The following GALNT13 variants were observed in gnomAD, a reference collection of about 807,000 sequenced individuals.
GALNT13 encodes UDP-GalNAc:polypeptide N-acetylgalactosaminyltransferase 13.
Under a neutral mutation model 64.2 loss-of-function variants are expected in GALNT13, and 28 were observed. That is an observed-to-expected ratio of 0.44 (90% CI 0.32 to 0.60). The LOEUF is 0.60. GALNT13 is among the 20% of genes least tolerant of loss of function. GALNT13 has a pLI of 0.05. For missense variants in GALNT13, 577 were observed against 669.8 expected, an observed-to-expected ratio of 0.86 and a Z score of 1.53; for synonymous variants, 214 against 224.6, an observed-to-expected ratio of 0.95 and a Z score of 0.42.
the GALNT13 span, among the ~76,000 whole-genome samples, chr2:153,754,001 A>G: frequency 1.3e-5 from 2 of 152,196 alleles, no homozygotes. Context: ...TGCCACCACA[A>G]TTCCACTGTA....
At chr2:154,410,395 C>G (rs375163029) in intron 11 of GALNT13, among the ~76,000 whole-genome samples, 4 of 152,020 alleles carry the variant, frequency 2.6e-5, no homozygotes, top group African/African-American at 9.6e-5. Flanking sequence ...TTATGTCTTT[C>G]CATTCTTTAG....
At chr2:153,528,033 A>G in the GALNT13 span, among the ~76,000 whole-genome samples, 1 of 152,102 alleles carries the variant, frequency 6.6e-6, no homozygotes, top group East Asian at 1.9e-4. Flanking sequence ...GGGACCACAA[A>G]ACAATCAGAA....
At chr2:153,755,750 A>G in the GALNT13 span, among the ~76,000 whole-genome samples, 1 of 151,876 alleles carries the variant, frequency 6.6e-6, no homozygotes, top group African/African-American at 2.4e-5. Flanking sequence ...TTTTTTCTTT[A>G]ACTAGACTAC....
chr2:153,640,032 G>A, the GALNT13 span, among the ~76,000 whole-genome samples: 4 of 152,262 alleles, frequency 2.6e-5, no homozygotes, highest in East Asian at 1.9e-4. Context: ...TAGTAGGAAC[G>A]TAGGGTGAAG....
At chr2:153,176,970 A>G in the GALNT13 span, among the ~76,000 whole-genome samples, 1 of 152,114 alleles carries the variant, frequency 6.6e-6, no homozygotes, top group African/African-American at 2.4e-5. Flanking sequence ...TTAGACAACA[A>G]AAGTTGAAAG....
intron 4 of GALNT13, among the ~76,000 whole-genome samples, chr2:154,237,776 C>G (rs1443821964): frequency 6.6e-6 from 1 of 151,544 alleles, no homozygotes; most frequent in African/African-American, 2.4e-5. Flanking sequence ...TATGTGTACT[C>G]TTTGTACTGC....
At chr2:153,247,381 T>G in the GALNT13 span, among the ~76,000 whole-genome samples, 11 of 152,176 alleles carry the variant, frequency 7.2e-5, no homozygotes, top group Admixed American at 3.9e-4. Flanking sequence ...TACTACATAA[T>G]TGGAAATAAA....
chr2:154,108,419 C>G (rs140549655), intron 3 of GALNT13, among the ~76,000 whole-genome samples: 32 of 151,878 alleles, frequency 2.1e-4, no homozygotes, highest in Non-Finnish European at 4.1e-4. Flanking sequence ...TGTGAGATGT[C>G]AATTCAACTT....
chr2:154,423,551 C>T (rs889179971), intron 11 of GALNT13, among the ~76,000 whole-genome samples: 1 of 152,162 alleles, frequency 6.6e-6, no homozygotes, highest in African/African-American at 2.4e-5. Flanking sequence ...ATTCCTATTT[C>T]TCCACATCCT....
the GALNT13 span, among the ~76,000 whole-genome samples, chr2:153,328,135 G>A: frequency 6.6e-6 from 1 of 152,178 alleles, no homozygotes; most frequent in Admixed American, 6.5e-5. Context: ...AGCAGAGGCT[G>A]CAGAACAGCA....
Position 153,939,161 on chromosome 2 carries a change from A to G in GALNT13, c.-104-5233A>G, listed in dbSNP as rs542352690. 4.5e-4 allele frequency among the ~76,000 whole-genome samples: 68 copies of G among 152,308 alleles called. 1 individual carries two copies. The highest frequency in any genetic ancestry group is 3.4e-3 in the Middle Eastern group (1 of 294). ...GAGTAAGGTGTGTGTGCTGTTTTAT[A>G]TAGGCTGATAGGAAAGCTCGTGGTG... is the stretch of plus-strand genomic sequence containing the variant. On this transcript the variant is annotated intron_variant, in intron 2 of 12. Transcript: ENST00000392825.
the GALNT13 span, among the ~76,000 whole-genome samples, chr2:153,257,327 C>T: frequency 2.0e-5 from 3 of 152,060 alleles, no homozygotes; most frequent in Admixed American, 6.5e-5. Flanking sequence ...ACGGTGCGCG[C>T]ACCCACTGAC....
the GALNT13 span, among the ~76,000 whole-genome samples, chr2:153,255,870 C>G: frequency 6.6e-6 from 1 of 152,182 alleles, no homozygotes; most frequent in Admixed American, 6.5e-5. Flanking sequence ...TTGTGGGTAA[C>G]TTCACCTTTC....
At chr2:154,366,323 C>G (rs927759011) in intron 9 of GALNT13, among the ~76,000 whole-genome samples, 1 of 152,058 alleles carries the variant, frequency 6.6e-6, no homozygotes, top group East Asian at 1.9e-4. Flanking sequence ...ATATAATGTA[C>G]ATGTGTATTG....
the GALNT13 span, among the ~76,000 whole-genome samples, chr2:153,308,626 C>T: frequency 1.3e-5 from 2 of 152,144 alleles, no homozygotes; most frequent in Non-Finnish European, 2.9e-5. Context: ...AGTTCTTGTT[C>T]TAAATTCTGA....
the GALNT13 span, among the ~76,000 whole-genome samples, chr2:153,671,409 A>G: frequency 6.6e-6 from 1 of 152,136 alleles, no homozygotes; most frequent in Non-Finnish European, 1.5e-5. Flanking sequence ...ACATTCTTAA[A>G]GAAAGGAATT....
At chr2:153,226,162 G>C in the GALNT13 span, among the ~76,000 whole-genome samples, 1 of 151,900 alleles carries the variant, frequency 6.6e-6, no homozygotes, top group African/African-American at 2.4e-5. Context: ...TCGAACTCCT[G>C]ACCTCGTGAT....
At chr2:153,599,731 A>G in the GALNT13 span, among the ~76,000 whole-genome samples, 5 of 152,044 alleles carry the variant, frequency 3.3e-5, no homozygotes, top group African/African-American at 1.2e-4. Context: ...ACATATTATC[A>G]TAATATATAG....
chr2:154,432,133 C>T (rs186613273), intron 11 of GALNT13, among the ~76,000 whole-genome samples: 6 of 152,240 alleles, frequency 3.9e-5, no homozygotes, highest in Admixed American at 3.3e-4. Context: ...GAAATCATTA[C>T]GACTTCAATA....
Sources: allele counts gnomAD v4.1 joint callset (sites outside exome capture counted in the v4.1 genomes callset), GRCh38; gene constraint gnomAD v4.1.1; transcripts MANE v1.5; gene names NCBI Gene and HGNC (gene_info 2026-07-23, HGNC 2026-07-21).